The following TMEM87B variants were observed in gnomAD, a reference collection of about 807,000 sequenced individuals.
The protein encoded by TMEM87B is transmembrane protein 87B.
In TMEM87B, 83 loss-of-function variants were observed where a neutral mutation model predicts 80.3. That is an observed-to-expected ratio of 1.03 (90% confidence interval 0.87 to 1.24). The LOEUF (loss-of-function observed/expected upper bound fraction) is 1.24, where lower values mean the gene tolerates loss of function less well. Ranked by LOEUF, TMEM87B falls within the 50% of genes most tolerant of loss-of-function variation. The probability of loss-of-function intolerance (pLI) is 0.00; values close to 1 mark genes in which losing one functional copy is unlikely to be tolerated. For synonymous variants in TMEM87B, 219 were observed against 230.5 expected, an observed-to-expected ratio of 0.95 and a Z score of 0.45; for missense variants, 625 against 674.4, an observed-to-expected ratio of 0.93 and a Z score of 0.81.
chr2:112,060,162 A>C, intron 2 of TMEM87B, 125 bp downstream of exon 2: 1 of 1,103,182 alleles, frequency 9.1e-7, no homozygotes, highest in Non-Finnish European at 1.2e-6. Flanking sequence ...CCTGGCCAAC[A>C]TAGTGAAACC....
intron 18 of TMEM87B, among the ~76,000 whole-genome samples, chr2:112,113,202 CTAAAT>C (rs765618936): frequency 9.9e-5 from 15 of 152,150 alleles, no homozygotes; most frequent in African/African-American, 3.1e-4. Context: ...GGCAGTTTGT[CTAAAT>C]TAATCTCTGA....
chr2:112,095,116 C>G, intron 11 of TMEM87B: 1 of 923,566 alleles, frequency 1.1e-6, no homozygotes, highest in Non-Finnish European at 1.3e-6. Flanking sequence ...CCTTCCTCCC[C>G]TTTTTTTCTT....
chr2:112,055,764 G>A lies in TMEM87B; in HGVS notation c.165+8G>A, dbSNP rs1678031104. 2.7e-6 allele frequency: 4 copies of A among 1,472,986 alleles called. No homozygotes were observed. The highest frequency in any genetic ancestry group is 3.6e-6 in the Non-Finnish European group (4 of 1,114,342). The allele number at this position is 1,472,986 out of a possible 1,614,324, so 91.2% of individuals were successfully genotyped here. A position where few individuals can be genotyped will look rare whatever the true frequency, so the allele number is the denominator to read the frequency against. On this transcript the variant is annotated splice_region_variant and intron_variant, in intron 1 of 18. Transcript: ENST00000283206. ...TTAGAGACAGTCAACGACGTAAGTG[G>A]AGTGTCGGGACCCAGGCGTGGCACG...
At position 112,097,232 on chromosome 2, in the gene TMEM87B, G is replaced by A; in HGVS notation, c.1214-1G>A. The A allele has an allele frequency of 6.2e-7, 1 of 1,608,420 alleles. No homozygotes were observed. Among genetic ancestry groups the A allele is most frequent in the Non-Finnish European group, 8.5e-7 (1 of 1,178,628 alleles). On this transcript the variant is annotated splice_acceptor_variant, in intron 12 of 18. Coordinates refer to ENST00000283206, the MANE Select transcript of TMEM87B (RefSeq NM_032824.3). LOFTEE classifies it high-confidence loss of function. ...CAAAGGTGACTTTTTGTGTGTTTCA[G>A]CTTCTATAGTGTTTATGGGGTGGAC...
At chr2:112,110,830 A>G (rs1373166368) in intron 17 of TMEM87B, among the ~76,000 whole-genome samples, 2 of 152,146 alleles carry the variant, frequency 1.3e-5, no homozygotes, top group African/African-American at 2.4e-5. Context: ...CCTGAAAACA[A>G]TGATCGTTCA....
At chr2:112,112,105 G>A (rs1022462655) in intron 17 of TMEM87B, among the ~76,000 whole-genome samples, 1 of 152,136 alleles carries the variant, frequency 6.6e-6, no homozygotes, top group Non-Finnish European at 1.5e-5. Context: ...ACCATGGACC[G>A]CACTGTAGGT....
chr2:112,097,010 A>G lies in TMEM87B; in HGVS notation c.1105-34A>G, dbSNP rs200704808. 87 of 1,371,722 alleles carry G rather than the reference A, an allele frequency of 6.3e-5. No individual in the cohort carries two copies. The African/African-American group carries it at 1.2e-3, about 19-fold the overall frequency. 85.0% of individuals were successfully genotyped at this position (1,371,722 alleles called of 1,614,324 possible). ...TGTTTTTTTTTTTTAACCTCTTATT[A>G]TTACTTGGAATGTTTTTCCTTAACT... On this transcript the variant is annotated intron_variant, in intron 11 of 18. Coordinates refer to ENST00000283206, the MANE Select transcript of TMEM87B (RefSeq NM_032824.3).
At chr2:112,107,420 T>TTA (rs1679801167) in intron 16 of TMEM87B, among the ~76,000 whole-genome samples, 1 of 151,564 alleles carries the variant, frequency 6.6e-6, no homozygotes, top group Non-Finnish European at 1.5e-5. Context: ...TATAAACTCA[T>TTA]TATATAAGAA....
intron 1 of TMEM87B, 148 bp downstream of exon 1, chr2:112,055,904 C>A: frequency 8.7e-7 from 1 of 1,144,578 alleles, no homozygotes; most frequent in Non-Finnish European, 1.2e-6. Context: ...TTGTCTGTTA[C>A]AGCCGGGGAG....
At chr2:112,094,447 C>T (rs1679398628) in intron 11 of TMEM87B, among the ~76,000 whole-genome samples, 1 of 152,068 alleles carries the variant, frequency 6.6e-6, no homozygotes, top group South Asian at 2.1e-4. Context: ...AGGCGTGAGC[C>T]ACCGTGCCCT....
In TMEM87B at chr2:112,098,958, G is replaced by A. The variant is rs538909578; in HGVS notation, c.1376+260G>A. 2.0e-5 allele frequency among the ~76,000 whole-genome samples: 3 copies of A among 152,212 alleles called. 1 individual carries two copies. The South Asian group carries it at 6.2e-4, about 31-fold the overall frequency. On this transcript the variant is annotated intron_variant, in intron 14 of 18. Transcript: ENST00000283206. ...ACCTTGAGGAAAGGAATAGGATAGC[G>A]AATGACTGAACTGGGAAAGAGTGTC...
chr2:112,100,579 A>G (rs776333809), intron 14 of TMEM87B, 43 bp from the exon 15 acceptor site: 3 of 1,329,200 alleles, frequency 2.3e-6, no homozygotes, highest in African/African-American at 1.5e-5. Context: ...AAATTGAACA[A>G]GTTTAAACAT....
intron 1 of TMEM87B, 131 bp from the exon 2 acceptor site, chr2:112,059,846 C>T (rs1240745597): frequency 1.7e-6 from 2 of 1,204,626 alleles, no homozygotes; most frequent in African/African-American, 3.1e-5. Flanking sequence ...GTGATGTGAT[C>T]AGATTTACGT....
At position 112,064,193 on chromosome 2, in the gene TMEM87B, G is replaced by A. The variant is rs867361972; in HGVS notation, c.258G>A (p.Lys86=). The part of the protein sequence containing the change: ...VKSFHCSGPV[K]FTIVWHLKYH... ...CATTCCATTGTTCTGGGCCTGTGAA[G>A]TTTACCATAGTGTGGCATTTGAAGT... Residue 86 remains lysine, a synonymous_variant, in exon 3 of 19, where the codon AAG becomes AAA. Transcript: ENST00000283206. The A allele has an allele frequency of 2.5e-6, 4 of 1,613,644 alleles. No individual in the cohort carries two copies. The African/African-American group carries it at 4.0e-5, about 16-fold the overall frequency.
chr2:112,062,291 TCTG>T (rs1021553396), intron 2 of TMEM87B, among the ~76,000 whole-genome samples: 25 of 152,234 alleles, frequency 1.6e-4, no homozygotes, highest in African/African-American at 5.8e-4. Context: ...CAACCTCTCT[TCTG>T]CTGTCTCATT....
chr2:112,095,533 G>C (rs1679443510), intron 11 of TMEM87B: 13 of 874,788 alleles, frequency 1.5e-5, no homozygotes, highest in Non-Finnish European at 1.8e-5. Flanking sequence ...TAGAAATTTG[G>C]TTTTAGTCAA....
Position 112,055,494 on chromosome 2 carries a change from C to T in TMEM87B, c.-98C>T, listed in dbSNP as rs1455371331. The T allele has an allele frequency of 1.1e-5, 15 of 1,336,374 alleles. No homozygotes were observed. The South Asian group carries it at 2.0e-4, about 17-fold the overall frequency. 82.8% of individuals were successfully genotyped at this position (1,336,374 alleles called of 1,614,324 possible). A position where few individuals can be genotyped will look rare whatever the true frequency, so the allele number is the denominator to read the frequency against. ...CCTCCTCCACACCCGAGTCCGAGCC[C>T]CGCGTCCCGGATTCGGACCCGCCTG... On this transcript the variant is annotated 5_prime_UTR_variant, in exon 1 of 19. Coordinates refer to ENST00000283206, the MANE Select transcript of TMEM87B (RefSeq NM_032824.3).
intron 2 of TMEM87B, among the ~76,000 whole-genome samples, chr2:112,060,492 T>G (rs1275828015): frequency 1.3e-5 from 2 of 152,168 alleles, no homozygotes; most frequent in East Asian, 3.8e-4. Flanking sequence ...ATTTTAAGGT[T>G]TTGTTTTGTT....
At position 112,061,053 on chromosome 2, in the gene TMEM87B, C is replaced by T. The variant is rs576173119; in HGVS notation, c.226+1016C>T. 1.2e-4 allele frequency among the ~76,000 whole-genome samples: 19 copies of T among 152,060 alleles called. No homozygotes were observed. In the South Asian group the frequency reaches 3.9e-3, roughly 32 times the overall value. On this transcript the variant is annotated intron_variant, in intron 2 of 18. Coordinates refer to ENST00000283206, the MANE Select transcript of TMEM87B (RefSeq NM_032824.3). The stretch of plus-strand genomic sequence containing the variant: ...TTTATGGCCTTGAAAATTTTCAAAA[C>T]GTACATATCCTCGTAAGAAGTAAAA...
Sources: gnomAD v4.1 joint callset for allele counts (sites outside exome capture counted in the v4.1 genomes callset) on GRCh38, gnomAD v4.1.1 for gene constraint, MANE v1.5 for transcripts, NCBI Gene and HGNC (gene_info 2026-07-23, HGNC 2026-07-21) for gene names.